Variants in NAT10 observed in about 807,000 individuals in gnomAD.
The protein encoded by NAT10 is RNA cytidine acetyltransferase.
A neutral mutation model predicts 132.2 loss-of-function variants in NAT10; 109 were observed. That is an observed-to-expected ratio of 0.82 (90% CI 0.71 to 0.97). NAT10 has a LOEUF of 0.97. NAT10 is among the 50% of genes least tolerant of loss of function. The probability of loss-of-function intolerance (pLI) is 0.00; values close to 1 mark genes in which losing one functional copy is unlikely to be tolerated. For missense variants in NAT10, 1,184 were observed against 1,263.4 expected (o/e 0.94, Z 0.95); for synonymous variants, 479 against 478.0 (o/e 1.00, Z -0.03).
Position 34,129,935 on chromosome 11 carries a change from C to T in NAT10, c.1245-878C>T, listed in dbSNP as rs927156196. On this transcript the variant is annotated intron_variant, in intron 12 of 28. Coordinates refer to ENST00000257829, the MANE Select transcript of NAT10 (RefSeq NM_024662.3). ...CTTTCTTTATAATAATGTCTTTTAA[C>T]GACAAAAGTTTTGAAGTTTTGTTGC... Among the ~76,000 whole-genome samples the T allele has an allele frequency of 5.3e-5, 8 of 152,098 alleles. No individual in the cohort carries two copies. In the South Asian group the frequency reaches 6.2e-4, roughly 12 times the overall value.
At chr11:34,142,220 T>C (rs1691561216) in intron 26 of NAT10, 55 bp from the exon 27 acceptor site, 1 of 1,535,138 alleles carries the variant, frequency 6.5e-7, no homozygotes, top group African/African-American at 1.4e-5. Context: ...CCTTTTCCTG[T>C]GTTTGGTTCA....
rs1159241032 is a variant in NAT10 at position 34,109,759 on chromosome 11, A to T, written c.200+926A>T. On this transcript the variant is annotated intron_variant, in intron 3 of 28. Coordinates refer to ENST00000257829, the MANE Select transcript of NAT10 (RefSeq NM_024662.3). ...TTTCAGCTCTGCTCACGGGTGATCT[A>T]GAGTCACAGTACTAATGCTCCCAGC... 2.0e-5 allele frequency among the ~76,000 whole-genome samples: 3 copies of T among 152,352 alleles called. No homozygotes were observed. In the South Asian group the frequency reaches 6.2e-4, roughly 32 times the overall value.
At chr11:34,115,114 C>T (rs1590762402) in intron 5 of NAT10, among the ~76,000 whole-genome samples, 2 of 152,172 alleles carry the variant, frequency 1.3e-5, no homozygotes, top group East Asian at 3.8e-4. Flanking sequence ...TGAGGTCACG[C>T]CACTGCACTC....
chr11:34,106,220 C>T (rs959062735), intron 1 of NAT10: 1 of 152,250 alleles, frequency 6.6e-6, no homozygotes, highest in African/African-American at 2.4e-5. Context: ...CTTTATTCAG[C>T]AGTCACATTC....
intron 1 of NAT10, among the ~76,000 whole-genome samples, chr11:34,107,910 T>G (rs1333052342): frequency 6.6e-6 from 1 of 152,264 alleles, no homozygotes; most frequent in Non-Finnish European, 1.5e-5. Flanking sequence ...GGATATCTCC[T>G]TATGTATTTT....
intron 23 of NAT10, 44 bp downstream of exon 23, chr11:34,139,539 C>T: frequency 1.3e-6 from 2 of 1,542,894 alleles, no homozygotes; most frequent in Non-Finnish European, 1.8e-6. Flanking sequence ...AATGGCTTGG[C>T]TGTGTGGGAG....
chr11:34,141,408 T>TCACACACACA (rs59489457), intron 25 of NAT10, among the ~76,000 whole-genome samples, 200 bp downstream of exon 25: 77 of 132,950 alleles, frequency 5.8e-4, no homozygotes, highest in African/African-American at 2.2e-3. Context: ...TCATCACACA[T>TCACACACACA]CACACACACA....
intron 16 of NAT10, 140 bp from the exon 17 acceptor site, chr11:34,134,179 A>C: frequency 2.2e-5 from 15 of 682,228 alleles, no homozygotes; most frequent in Non-Finnish European, 3.2e-5. Context: ...AGCGGGGGGA[A>C]TGGATGTGTC....
chr11:34,117,000 G>A (rs1235223924), intron 6 of NAT10, among the ~76,000 whole-genome samples: 1 of 152,094 alleles, frequency 6.6e-6, no homozygotes, highest in Non-Finnish European at 1.5e-5. Context: ...CAAAGTGCTG[G>A]GATTACAGGC....
chr11:34,124,462 T>A, intron 11 of NAT10, 62 bp downstream of exon 11: 1 of 1,238,622 alleles, frequency 8.1e-7, no homozygotes, highest in Non-Finnish European at 1.2e-6. Context: ...TAACTGGCTC[T>A]AAGATGTTTC....
Position 34,133,025 on chromosome 11 carries a change from G to A in NAT10, c.1618-1G>A. ...CACTGACCCGTGTTTGGCTTCCACA[G>A]AACTCTCCCAATGATCTCCAGATGC... On this transcript the variant is annotated splice_acceptor_variant, in intron 15 of 28. Coordinates refer to ENST00000257829, the MANE Select transcript of NAT10 (RefSeq NM_024662.3). LOFTEE classifies it high-confidence loss of function. 1 of 1,613,400 alleles carries A rather than the reference G, an allele frequency of 6.2e-7. No homozygotes were observed. Among genetic ancestry groups the A allele is most frequent in the Non-Finnish European group, 8.5e-7 (1 of 1,179,374 alleles).
At chr11:34,112,270 T>A (rs756470721) in intron 4 of NAT10, 47 bp downstream of exon 4, 4 of 1,609,280 alleles carry the variant, frequency 2.5e-6, no homozygotes, top group Non-Finnish European at 3.4e-6. Context: ...GTCTTGAGGG[T>A]TGCTTGGGCT....
chr11:34,110,523 A>C (rs1179557317), intron 3 of NAT10, among the ~76,000 whole-genome samples: 1 of 134,224 alleles, frequency 7.5e-6, no homozygotes, highest in Non-Finnish European at 1.6e-5. Flanking sequence ...AAAGTCACTT[A>C]CATACTGTGA....
intron 6 of NAT10, 94 bp from the exon 7 acceptor site, chr11:34,118,086 T>C (rs1851815344): frequency 3.9e-6 from 4 of 1,016,468 alleles, no homozygotes; most frequent in Non-Finnish European, 1.5e-6. Flanking sequence ...TTAGAGACAC[T>C]TGGGGCCAGT....
At chr11:34,117,818 T>C (rs1184543006) in intron 6 of NAT10, among the ~76,000 whole-genome samples, 1 of 151,850 alleles carries the variant, frequency 6.6e-6, no homozygotes, top group Admixed American at 6.6e-5. Flanking sequence ...CATATGGGGG[T>C]TGGGTTTGGA....
In NAT10 at chr11:34,122,582, G is replaced by A. The variant is rs775322184; in HGVS notation, c.904G>A (p.Val302Met). The A allele has an allele frequency of 6.2e-7, 1 of 1,614,106 alleles. No individual in the cohort carries two copies. Among genetic ancestry groups the A allele is most frequent in the South Asian group, 1.1e-5 (1 of 91,064 alleles). Reference sequence around the variant, plus strand: ...CCTGGGATTGGCGATTGCTGGGGCGGTGGCATTTGGGTAAGGGGATTCAGT... The same window carrying A: ...CCTGGGATTGGCGATTGCTGGGGCGATGGCATTTGGGTAAGGGGATTCAGT... ...AALGLAIAGA[V>M]AFGYSNIFVT... is the part of the protein sequence containing the mutation. Residue 302 changes from valine to methionine, a missense_variant, in exon 9 of 29, where the codon GTG becomes ATG. Val to Met is a conservative substitution (Grantham distance 21, BLOSUM62 1). Coordinates refer to ENST00000257829, the MANE Select transcript of NAT10 (RefSeq NM_024662.3).
At chr11:34,131,612 C>A in intron 14 of NAT10, 81 bp downstream of exon 14, 1 of 1,384,624 alleles carries the variant, frequency 7.2e-7, no homozygotes, top group Non-Finnish European at 9.7e-7. Flanking sequence ...TCCTTTGTTT[C>A]ATAGGATGCT....
chr11:34,143,995 C>T (rs1852388865), intron 28 of NAT10, among the ~76,000 whole-genome samples: 1 of 152,254 alleles, frequency 6.6e-6, no homozygotes, highest in Non-Finnish European at 1.5e-5. Flanking sequence ...TTCTCCACTG[C>T]AAGGCCATAG....
chr11:34,131,265 C>T (rs1252407925), intron 13 of NAT10, 116 bp from the exon 14 acceptor site: 133 of 1,384,682 alleles, frequency 9.6e-5, no homozygotes, highest in Non-Finnish European at 1.1e-4. Context: ...AAATTCTTAC[C>T]ACACGTCTCT....
Sources: gnomAD v4.1 joint callset for allele counts (sites outside exome capture counted in the v4.1 genomes callset) on GRCh38, gnomAD v4.1.1 for gene constraint, MANE v1.5 for transcripts, NCBI Gene and HGNC (gene_info 2026-07-23, HGNC 2026-07-21) for gene names.